ABCB9: variants seen among roughly 807,000 people sequenced by gnomAD.
ABCB9 encodes ATP binding cassette subfamily B member 9.
Under a neutral mutation model 62.0 loss-of-function variants are expected in ABCB9, and 36 were observed. The ratio of observed to expected loss-of-function variants is 0.58; its 90% CI spans 0.45 to 0.77. ABCB9 has a LOEUF of 0.77. Ranked by LOEUF, ABCB9 falls within the 30% of genes least tolerant of loss-of-function variation. The pLI is 0.00. For missense variants in ABCB9, 943 were observed against 1,054.7 expected, an observed-to-expected ratio of 0.89 and a Z score of 1.47; for synonymous variants, 435 against 461.4, an observed-to-expected ratio of 0.94 and a Z score of 0.73.
At chr12:122,920,124 G>A (rs1402915245), downstream of ABCB9, among the ~76,000 whole-genome samples, 10 of 151,790 alleles carry the variant, frequency 6.6e-5, no homozygotes, top group African/African-American at 2.4e-5. Flanking sequence ...CAAGTGGTCC[G>A]CCTGCCTCGG....
intron 1 of ABCB9, 146 bp from the exon 2 acceptor site, chr12:122,960,468 T>C (rs2036834898): frequency 1.7e-6 from 1 of 602,556 alleles, no homozygotes; most frequent in East Asian, 2.9e-5. Flanking sequence ...GTACTAAGAT[T>C]CCACTCATTC....
chr12:122,925,151 G>A (rs1470938578), downstream of ABCB9, among the ~76,000 whole-genome samples: 1 of 152,116 alleles, frequency 6.6e-6, no homozygotes, highest in Admixed American at 6.6e-5. Context: ...GAACTCGTGG[G>A]CTCAAGCGAT....
intron 4 of ABCB9, 37 bp downstream of exon 4, chr12:122,949,751 C>A: frequency 6.2e-7 from 1 of 1,611,540 alleles, no homozygotes; most frequent in Non-Finnish European, 8.5e-7. Flanking sequence ...GGGTGGGGCC[C>A]AGCCCCCAGG....
downstream of ABCB9, among the ~76,000 whole-genome samples, chr12:122,920,733 C>T (rs750377233): frequency 6.6e-5 from 10 of 150,702 alleles, no homozygotes; most frequent in African/African-American, 9.9e-5. Flanking sequence ...GGTGAAACCC[C>T]GTTTCTACAA....
chr12:122,949,395 C>G (rs2036231772), intron 4 of ABCB9: 1 of 200,000 alleles, frequency 5.0e-6, no homozygotes, highest in African/African-American at 2.3e-5. Flanking sequence ...GAGCTTGGAT[C>G]TTGGTGGATA....
In ABCB9 at chr12:122,947,687, G is replaced by A; in HGVS notation, c.1053+937C>T. ...AGGTCAAACCTGGCTCACGGCCCTA[G>A]CTCGGAAGCAGAAGCAGTGCCGTGG... On this transcript the variant is annotated intron_variant, in intron 5 of 11. Transcript: ENST00000280560. This position sits in a 1 kb window ranked among gnomAD's most constrained non-coding sequence, Gnocchi z 6.0. The A allele has an allele frequency of 3.6e-6, 1 of 276,570 alleles. No individual in the cohort carries two copies. Among genetic ancestry groups the A allele is most frequent in the Non-Finnish European group, 7.6e-6 (1 of 131,158 alleles). 17.1% of individuals were successfully genotyped at this position (276,570 alleles called of 1,614,324 possible). A position where few individuals can be genotyped will look rare whatever the true frequency, so the allele number is the denominator to read the frequency against.
chr12:122,926,011 A>G (rs2034893897), downstream of ABCB9, among the ~76,000 whole-genome samples: 1 of 152,236 alleles, frequency 6.6e-6, no homozygotes, highest in African/African-American at 2.4e-5. Context: ...ATAGGGTTCC[A>G]TGTACATGAA....
At position 122,954,871 on chromosome 12, in the gene ABCB9, TTTTG is replaced by T. The variant is rs541016439; in HGVS notation, c.602-4310_602-4307del. ...CAATGGGTGGTTTTTTGTTTTTTGT[TTTTG>T]TTTGTTTGTTTTAAGATTCTGAGGG... On this transcript the variant is annotated intron_variant, in intron 2 of 11. Coordinates refer to ENST00000280560, the MANE Select transcript of ABCB9 (RefSeq NM_019625.4). 3.0e-3 allele frequency among the ~76,000 whole-genome samples: 455 copies of T among 152,330 alleles called. 2 individuals carry two copies. The highest frequency in any genetic ancestry group is 0.01 in the African/African-American group (432 of 41,574).
rs1327939085 is a variant in ABCB9, at chr12:122,932,085, G to C, written c.2040+107C>G. 6.5e-7 allele frequency: 1 copy of C among 1,531,084 alleles called. No homozygotes were observed. The highest frequency in any genetic ancestry group is 2.0e-5 in the Admixed American group (1 of 50,968). The allele number at this position is 1,531,084 out of a possible 1,614,324, so 94.8% of individuals were successfully genotyped here. On this transcript the variant is annotated intron_variant, in intron 11 of 11. Transcript: ENST00000280560. This position sits in a 1 kb window ranked among gnomAD's most constrained non-coding sequence, Gnocchi z 4.7. Reference sequence around the variant, plus strand: ...AGCCCAGGAGGCTGATAGTCTGGGAGAGCTCCTGGGGCCCGTCTCTTCTCA... The same window carrying C: ...AGCCCAGGAGGCTGATAGTCTGGGACAGCTCCTGGGGCCCGTCTCTTCTCA...
At chr12:122,958,453 T>C (rs1216229625) in intron 2 of ABCB9, among the ~76,000 whole-genome samples, 3 of 152,216 alleles carry the variant, frequency 2.0e-5, no homozygotes, top group Middle Eastern at 6.8e-3. Context: ...TGCACAAGAA[T>C]TGAGTAAGAA....
In ABCB9 at chr12:122,929,126, C is replaced by T. The variant is rs528277108; in HGVS notation, c.*785G>A. The T allele has an allele frequency of 1.2e-4, 118 of 975,416 alleles. 1 individual carries two copies. The South Asian group carries it at 1.4e-3, about 11-fold the overall frequency. The allele number at this position is 975,416 out of a possible 1,614,324, so 60.4% of individuals were successfully genotyped here. ...AGAGAATGCATCTCATGAACATCCA[C>T]GTGGCCTCCAGACAGCAGAGCACAG... On this transcript the variant is annotated 3_prime_UTR_variant, in exon 12 of 12. Transcript: ENST00000280560. This position sits in a 1 kb window ranked among gnomAD's most constrained non-coding sequence, Gnocchi z 6.0.
intron 4 of ABCB9, among the ~76,000 whole-genome samples, chr12:122,949,559 T>G (rs989962410): frequency 1.3e-5 from 2 of 152,128 alleles, no homozygotes; most frequent in Non-Finnish European, 2.9e-5. Flanking sequence ...GGACCTCGGG[T>G]GGCCTGGCCT....
At chr12:122,948,913 A>T in intron 4 of ABCB9, 84 bp from the exon 5 acceptor site, 1 of 1,098,530 alleles carries the variant, frequency 9.1e-7, no homozygotes, top group Non-Finnish European at 1.2e-6. Flanking sequence ...CCTCTGAGAC[A>T]GACACTGGGA....
chr12:122,956,392 A>C (rs1292200825), intron 2 of ABCB9, among the ~76,000 whole-genome samples: 1 of 152,216 alleles, frequency 6.6e-6, no homozygotes, highest in Non-Finnish European at 1.5e-5. Flanking sequence ...AGATCGTAGG[A>C]GTACAGGGCT....
chr12:122,944,638 A>C lies in ABCB9; in HGVS notation c.1252-119T>G. 1 of 1,422,726 alleles carries C rather than the reference A, an allele frequency of 7.0e-7. No individual in the cohort carries two copies. Among genetic ancestry groups the C allele is most frequent in the Non-Finnish European group, 9.4e-7 (1 of 1,059,286 alleles). The allele number at this position is 1,422,726 out of a possible 1,614,324, so 88.1% of individuals were successfully genotyped here. ...AGGGCAGACCCAGCCACAAACTGAAATGCCGGCCGTTGGCAGGGGTGTCTT... is the reference window on the plus strand; with the variant it reads ...AGGGCAGACCCAGCCACAAACTGAACTGCCGGCCGTTGGCAGGGGTGTCTT... On this transcript the variant is annotated intron_variant, in intron 6 of 11. Transcript: ENST00000280560. The surrounding 1 kb of genome is among the most constrained non-coding windows in gnomAD (Gnocchi z 4.9).
chr12:122,948,082 G>C (rs1463506955), intron 5 of ABCB9: 2 of 152,478 alleles, frequency 1.3e-5, no homozygotes, highest in East Asian at 3.9e-4. Context: ...ACAGGCATGC[G>C]CCACCAAGCC....
intron 9 of ABCB9, among the ~76,000 whole-genome samples, chr12:122,939,017 C>T (rs1046658008): frequency 1.3e-5 from 2 of 151,654 alleles, no homozygotes; most frequent in African/African-American, 4.8e-5. Flanking sequence ...ACTAAAAATA[C>T]AAAAATTAGT....
chr12:122,973,305 C>T (rs1447605913), intron 1 of ABCB9: 2 of 152,204 alleles, frequency 1.3e-5, no homozygotes, highest in Non-Finnish European at 2.9e-5. Context: ...TGGCTCACGC[C>T]TGTAATCCCA....
chr12:122,924,517 T>A, downstream of ABCB9: 1 of 1,024,406 alleles, frequency 9.8e-7, no homozygotes, highest in South Asian at 2.1e-5. Flanking sequence ...GACATGGGCC[T>A]CTATGCTCAG....
Sources: gnomAD v4.1 joint callset for allele counts (sites outside exome capture counted in the v4.1 genomes callset) on GRCh38, gnomAD v4.1.1 for gene constraint, Gnocchi (gnomAD v3.1) non-coding constraint, MANE v1.5 for transcripts, NCBI Gene and HGNC (gene_info 2026-07-23, HGNC 2026-07-21) for gene names.